MAN1C1: variants seen among roughly 807,000 people sequenced by gnomAD.
MAN1C1 encodes the protein mannosyl-oligosaccharide 1,2-alpha-mannosidase IC.
A neutral mutation model predicts 71.5 loss-of-function variants in MAN1C1; 49 were observed. That is an observed-to-expected ratio of 0.69 (90% CI 0.54 to 0.87). MAN1C1 has a LOEUF of 0.87. Among genes scored for constraint, MAN1C1 ranks in the 40% least tolerant of loss-of-function variants. MAN1C1 has a pLI of 0.00. For missense variants in MAN1C1, 743 were observed against 835.0 expected, an observed-to-expected ratio of 0.89 and a Z score of 1.36; for synonymous variants, 352 against 343.7, an observed-to-expected ratio of 1.02 and a Z score of -0.27.
At chr1:25,781,239 C>G (rs1202932801) in intron 10 of MAN1C1, 127 bp downstream of exon 10, 1 of 1,012,088 alleles carries the variant, frequency 9.9e-7, no homozygotes, top group East Asian at 2.6e-5. Flanking sequence ...GACCACAGTT[C>G]AGAGTGCAAA....
In MAN1C1 at chr1:25,764,087, A is replaced by T; in HGVS notation, c.1141+120A>T. ...GTCTGTCAGAGCCATGCAGCCAGCAAGGCATTCGCTCGGTGCTCCTGGACA... is the reference window on the plus strand; with the variant it reads ...GTCTGTCAGAGCCATGCAGCCAGCATGGCATTCGCTCGGTGCTCCTGGACA... On this transcript the variant is annotated intron_variant, in intron 7 of 11. Coordinates refer to ENST00000374332, the MANE Select transcript of MAN1C1 (RefSeq NM_020379.4). This position sits in a 1 kb window ranked among gnomAD's most constrained non-coding sequence, Gnocchi z 4.4. 1 of 799,898 alleles carries T rather than the reference A, an allele frequency of 1.3e-6. No individual in the cohort carries two copies. Among genetic ancestry groups the T allele is most frequent in the Non-Finnish European group, 2.1e-6 (1 of 483,846 alleles). The allele number at this position is 799,898 out of a possible 1,614,324, so 49.6% of individuals were successfully genotyped here.
chr1:25,753,479 T>C lies in MAN1C1; in HGVS notation c.835-5T>C. 1 of 1,612,302 alleles carries C rather than the reference T, an allele frequency of 6.2e-7. No individual in the cohort carries two copies. Among genetic ancestry groups the C allele is most frequent in the Non-Finnish European group, 8.5e-7 (1 of 1,178,754 alleles). ...TCAAAAGCCCTTTGATCCCCTCCTT[T>C]ACAGGTGTTCCGAATAAAGGCCATC... On this transcript the variant is annotated splice_region_variant and splice_polypyrimidine_tract_variant and intron_variant, in intron 4 of 11. Transcript: ENST00000374332. This position sits in a 1 kb window ranked among gnomAD's most constrained non-coding sequence, Gnocchi z 4.9.
At chr1:25,678,714 A>G (rs1055169309) in intron 1 of MAN1C1, among the ~76,000 whole-genome samples, 2 of 152,244 alleles carry the variant, frequency 1.3e-5, no homozygotes, top group Non-Finnish European at 2.9e-5. Context: ...AAGGAGGTGA[A>G]GTAAATGATG....
intron 1 of MAN1C1, among the ~76,000 whole-genome samples, chr1:25,670,575 C>T (rs550159667): frequency 2.0e-5 from 3 of 152,216 alleles, no homozygotes; most frequent in Admixed American, 6.5e-5. Context: ...AGGCACAGGG[C>T]AGCAGCCGGC....
intron 1 of MAN1C1, among the ~76,000 whole-genome samples, 155 bp downstream of exon 1, chr1:25,618,492 C>T (rs2045151501): frequency 6.6e-6 from 1 of 152,134 alleles, no homozygotes; most frequent in African/African-American, 2.4e-5. Flanking sequence ...CCCCTTTCCT[C>T]CCAAATGTCC....
At chr1:25,759,753 G>A (rs964844675) in intron 6 of MAN1C1, 5 of 152,100 alleles carry the variant, frequency 3.3e-5, no homozygotes, top group African/African-American at 1.2e-4. Context: ...CGCATGGTTT[G>A]GGACCACTAC....
chr1:25,645,774 A>G (rs1168273365), intron 1 of MAN1C1: 1 of 152,110 alleles, frequency 6.6e-6, no homozygotes, highest in Admixed American at 6.5e-5. Flanking sequence ...ATCCTTCCAG[A>G]TTTCCCCGAT....
intron 1 of MAN1C1, among the ~76,000 whole-genome samples, chr1:25,685,971 C>T (rs1245053538): frequency 2.6e-5 from 4 of 152,214 alleles, no homozygotes. Context: ...TTCTCACTGA[C>T]TCACTGAGCG....
In MAN1C1 at chr1:25,754,524, A is replaced by C. The variant is rs149948083; in HGVS notation, c.929+946A>C. 1.6e-3 allele frequency among the ~76,000 whole-genome samples: 241 copies of C among 148,712 alleles called. 1 individual carries two copies. Among genetic ancestry groups the C allele is most frequent in the African/African-American group, 5.2e-3 (210 of 40,078 alleles). ...CAGGGTGTGAACTCATTGGAATCTC[A>C]CCATAGGCCAGGGAGGGGGGTGCTC... On this transcript the variant is annotated intron_variant, in intron 5 of 11. Transcript: ENST00000374332.
intron 2 of MAN1C1, among the ~76,000 whole-genome samples, chr1:25,737,136 C>A (rs2046993082): frequency 6.6e-6 from 1 of 152,224 alleles, no homozygotes; most frequent in Non-Finnish European, 1.5e-5. Flanking sequence ...CACAGGTTTC[C>A]AGATCAGACA....
intron 1 of MAN1C1, among the ~76,000 whole-genome samples, chr1:25,643,823 G>T (rs2045572867): frequency 6.6e-6 from 1 of 151,866 alleles, no homozygotes; most frequent in African/African-American, 2.4e-5. Context: ...CCTTTTATCT[G>T]CTGTTTTCTA....
At chr1:25,729,284 T>C (rs1263724065) in intron 2 of MAN1C1, among the ~76,000 whole-genome samples, 1 of 152,104 alleles carries the variant, frequency 6.6e-6, no homozygotes. Context: ...CCCCTGTTGC[T>C]CTCCACCCTG....
At chr1:25,700,966 C>T (rs1386091571) in intron 2 of MAN1C1, among the ~76,000 whole-genome samples, 1 of 152,248 alleles carries the variant, frequency 6.6e-6, no homozygotes, top group Non-Finnish European at 1.5e-5. Flanking sequence ...GGGCTGACTT[C>T]GCCATTAGGC....
chr1:25,749,370 G>C (rs1232088564), intron 4 of MAN1C1, 35 bp downstream of exon 4: 1 of 1,513,262 alleles, frequency 6.6e-7, no homozygotes, highest in Non-Finnish European at 9.1e-7. Context: ...GAACTGTCCA[G>C]GCTGGAAAGG....
intron 5 of MAN1C1, among the ~76,000 whole-genome samples, chr1:25,754,544 G>C (rs1254697259): frequency 6.6e-6 from 1 of 152,012 alleles, no homozygotes; most frequent in Non-Finnish European, 1.5e-5. Context: ...AGGGAGGGGG[G>C]TGCTCTCGGG....
Position 25,749,234 on chromosome 1 carries a change from C to G in MAN1C1, c.754-21C>G, listed in dbSNP as rs368010726. 9 of 1,605,020 alleles carry G rather than the reference C, an allele frequency of 5.6e-6. No homozygotes were observed. The East Asian group carries it at 1.1e-4, about 20-fold the overall frequency. On this transcript the variant is annotated intron_variant, in intron 3 of 11. Transcript: ENST00000374332. ...TCTTACAAGTGTCCCCACTGTCCCC[C>G]TCCTTCTTTCTGTCCTGCAGAGCGG...
intron 1 of MAN1C1, among the ~76,000 whole-genome samples, chr1:25,627,292 C>T (rs1237352408): frequency 7.9e-5 from 12 of 151,530 alleles, no homozygotes; most frequent in African/African-American, 1.2e-4. Flanking sequence ...TTCTCTTCTT[C>T]TCTTCTCTTC....
chr1:25,672,566 G>T (rs57849866), intron 1 of MAN1C1, among the ~76,000 whole-genome samples: 25,471 of 151,974 alleles, frequency 0.17, 5,279 homozygotes, highest in African/African-American at 0.48. Context: ...CTCATCACTT[G>T]GACACTGATT....
intron 1 of MAN1C1, among the ~76,000 whole-genome samples, chr1:25,669,110 C>T (rs1223341563): frequency 1.3e-5 from 2 of 152,144 alleles, no homozygotes; most frequent in African/African-American, 2.4e-5. Flanking sequence ...TGTCATGGGC[C>T]GTGGGTTCAT....
Sources: gnomAD v4.1 joint callset for allele counts (sites outside exome capture counted in the v4.1 genomes callset) on GRCh38, gnomAD v4.1.1 for gene constraint, Gnocchi (gnomAD v3.1) non-coding constraint, MANE v1.5 for transcripts, NCBI Gene and HGNC (gene_info 2026-07-23, HGNC 2026-07-21) for gene names.